Variants in PAPPA2 observed in about 807,000 individuals in gnomAD.
The protein encoded by PAPPA2 is pappalysin-2.
PAPPA2 carries 86 observed loss-of-function variants against 176.4 expected under a neutral mutation model. The ratio of observed to expected loss-of-function variants is 0.49; its 90% CI spans 0.41 to 0.58. The LOEUF is 0.58. Among genes scored for constraint, PAPPA2 ranks in the 20% least tolerant of loss-of-function variants. The pLI is 0.00. For synonymous variants in PAPPA2, 809 were observed against 852.2 expected (o/e 0.95, Z 0.88); for missense variants, 2,073 against 2,256.9 (o/e 0.92, Z 1.65).
intron 1 of PAPPA2, among the ~76,000 whole-genome samples, chr1:176,472,904 T>A (rs1651947172): frequency 6.6e-6 from 1 of 152,254 alleles, no homozygotes; most frequent in East Asian, 1.9e-4. Flanking sequence ...AATAGCAAAA[T>A]TGAGCACAAG....
At chr1:176,657,771 T>C (rs1257787523) in intron 3 of PAPPA2, among the ~76,000 whole-genome samples, 1 of 152,012 alleles carries the variant, frequency 6.6e-6, no homozygotes, top group Non-Finnish European at 1.5e-5. Flanking sequence ...TGTGGTTATG[T>C]AGATCTGAGT....
At chr1:176,817,309 C>A (rs1462552310) in intron 21 of PAPPA2, among the ~76,000 whole-genome samples, 1 of 152,128 alleles carries the variant, frequency 6.6e-6, no homozygotes, top group Non-Finnish European at 1.5e-5. Flanking sequence ...ATTTAGAGAA[C>A]CACTAGAGGA....
intron 16 of PAPPA2, 79 bp downstream of exon 16, chr1:176,769,863 G>T (rs1029364867): frequency 5.7e-6 from 8 of 1,408,338 alleles, no homozygotes; most frequent in Admixed American, 2.4e-5. Context: ...GACTCTTTTC[G>T]TTACCCCAAC....
chr1:176,656,989 T>C (rs2102752140), intron 3 of PAPPA2, among the ~76,000 whole-genome samples: 1 of 151,996 alleles, frequency 6.6e-6, no homozygotes, highest in East Asian at 1.9e-4. Flanking sequence ...GGGCAACTAC[T>C]AAATCTCAGA....
intron 14 of PAPPA2, among the ~76,000 whole-genome samples, chr1:176,744,787 A>G (rs763982961): frequency 5.3e-5 from 8 of 152,314 alleles, no homozygotes; most frequent in Non-Finnish European, 1.0e-4. Context: ...GTTTCCAATG[A>G]TGTTTCTCAA....
intron 3 of PAPPA2, among the ~76,000 whole-genome samples, chr1:176,660,580 T>A (rs191555392): frequency 1.1e-3 from 166 of 152,202 alleles, no homozygotes; most frequent in African/African-American, 3.9e-3. Flanking sequence ...TTGGGGGTAG[T>A]CCCAGGATTT....
In PAPPA2 at chr1:176,595,168, G is replaced by T. The variant is rs927889151; in HGVS notation, c.1564G>T (p.Glu522Ter). Reference protein sequence around the residue: ...QYNGYWPLRGEKVIRYQVVNI... With the variant: ...QYNGYWPLRG ...CAATGGATACTGGCCCCTTCGGGGA[G>T]AGAAGGTGATACGCTACCAGGTGGT... Residue 522 changes from glutamate to a stop codon, truncating the protein, a stop_gained, in exon 3 of 23, where the codon GAG becomes TAG. Coordinates refer to ENST00000367662, the MANE Select transcript of PAPPA2 (RefSeq NM_020318.3). LOFTEE classifies it high-confidence loss of function. The T allele has an allele frequency of 6.2e-7, 1 of 1,614,230 alleles. No individual in the cohort carries two copies. Among genetic ancestry groups the T allele is most frequent in the Non-Finnish European group, 8.5e-7 (1 of 1,180,048 alleles).
At chr1:176,617,950 T>C (rs1655365069) in intron 3 of PAPPA2, among the ~76,000 whole-genome samples, 1 of 152,130 alleles carries the variant, frequency 6.6e-6, no homozygotes, top group South Asian at 2.1e-4. Flanking sequence ...AAATGACTTG[T>C]CTGAAAATCT....
chr1:176,696,774 A>G (rs1660406227), intron 7 of PAPPA2, among the ~76,000 whole-genome samples: 1 of 152,316 alleles, frequency 6.6e-6, no homozygotes, highest in African/African-American at 2.4e-5. Context: ...CCAAAGCCCT[A>G]TTTGAATTAA....
chr1:176,698,360 C>A (rs570542560), intron 7 of PAPPA2, among the ~76,000 whole-genome samples: 1 of 152,204 alleles, frequency 6.6e-6, no homozygotes, highest in Non-Finnish European at 1.5e-5. Flanking sequence ...TCTGCTAGTT[C>A]TCGATTCAAC....
intron 1 of PAPPA2, among the ~76,000 whole-genome samples, chr1:176,479,504 G>A (rs1026989758): frequency 2.6e-5 from 4 of 152,180 alleles, no homozygotes; most frequent in African/African-American, 4.8e-5. Flanking sequence ...CTGACTTAGA[G>A]GACTGCCTTG....
chr1:176,833,108 T>G (rs1667140793), intron 21 of PAPPA2, among the ~76,000 whole-genome samples: 1 of 152,226 alleles, frequency 6.6e-6, no homozygotes, highest in South Asian at 2.1e-4. Context: ...ATCTTCATTG[T>G]CTTTCTTTCA....
At chr1:176,598,450 A>G (rs1228124120) in intron 3 of PAPPA2, among the ~76,000 whole-genome samples, 1 of 152,162 alleles carries the variant, frequency 6.6e-6, no homozygotes, top group Non-Finnish European at 1.5e-5. Context: ...AATCAATTGT[A>G]TGTATTATAG....
intron 12 of PAPPA2, among the ~76,000 whole-genome samples, chr1:176,730,439 T>A (rs965196234): frequency 2.6e-5 from 4 of 152,076 alleles, no homozygotes; most frequent in African/African-American, 9.6e-5. Context: ...CAACTCTATT[T>A]TAGCTGTAGT....
intron 1 of PAPPA2, among the ~76,000 whole-genome samples, chr1:176,518,059 G>T (rs944665285): frequency 1.3e-5 from 2 of 152,074 alleles, no homozygotes; most frequent in African/African-American, 4.8e-5. Context: ...ATTTTAGAGA[G>T]CTTGAAACAG....
At chr1:176,522,909 C>T (rs551190600) in intron 1 of PAPPA2, among the ~76,000 whole-genome samples, 14 of 152,236 alleles carry the variant, frequency 9.2e-5, no homozygotes, top group Non-Finnish European at 1.5e-4. Context: ...CTTTGGCAAA[C>T]GAGGGGCATG....
intron 3 of PAPPA2, among the ~76,000 whole-genome samples, chr1:176,652,003 T>A (rs1384326017): frequency 6.6e-6 from 1 of 151,682 alleles, no homozygotes; most frequent in African/African-American, 2.4e-5. Context: ...AACTATTATG[T>A]CAATCTCTTT....
chr1:176,514,649 T>G (rs1380196119), intron 1 of PAPPA2, among the ~76,000 whole-genome samples: 1 of 152,230 alleles, frequency 6.6e-6, no homozygotes, highest in Non-Finnish European at 1.5e-5. Context: ...CAATAACATT[T>G]TGACAAATTA....
intron 21 of PAPPA2, among the ~76,000 whole-genome samples, chr1:176,829,375 G>A (rs542543951): frequency 3.4e-4 from 52 of 152,308 alleles, no homozygotes; most frequent in African/African-American, 8.4e-4. Flanking sequence ...TCCTCCCACA[G>A]TCTGCATTCC....
Sources: allele counts gnomAD v4.1 joint callset (sites outside exome capture counted in the v4.1 genomes callset), GRCh38; gene constraint gnomAD v4.1.1; transcripts MANE v1.5; gene names NCBI Gene and HGNC (gene_info 2026-07-23, HGNC 2026-07-21).